FAM13C: variants seen among roughly 807,000 people sequenced by gnomAD.
FAM13C encodes the protein protein FAM13C.
A neutral mutation model predicts 73.2 loss-of-function variants in FAM13C; 37 were observed. The ratio of observed to expected loss-of-function variants is 0.51; its 90% CI spans 0.39 to 0.67. The LOEUF (loss-of-function observed/expected upper bound fraction) is 0.67. Among genes scored for constraint, FAM13C ranks in the 30% least tolerant of loss-of-function variants. The pLI is 0.00. For missense variants in FAM13C, 589 were observed against 715.6 expected (o/e 0.82, Z 2.02); for synonymous variants, 246 against 260.9 (o/e 0.94, Z 0.55).
intron 5 of FAM13C, among the ~76,000 whole-genome samples, chr10:59,289,414 G>A (rs1025724767): frequency 6.6e-6 from 1 of 152,158 alleles, no homozygotes; most frequent in African/African-American, 2.4e-5. Flanking sequence ...GTGCCCTGCA[G>A]AGCCACCCCA....
chr10:59,307,336 G>A (rs1363958638), intron 4 of FAM13C, among the ~76,000 whole-genome samples: 1 of 152,148 alleles, frequency 6.6e-6, no homozygotes, highest in Admixed American at 6.5e-5. Context: ...AACGTACCTA[G>A]AAGCTTCTCA....
chr10:59,270,538 G>A (rs573057560), intron 6 of FAM13C, among the ~76,000 whole-genome samples: 27 of 152,166 alleles, frequency 1.8e-4, no homozygotes, highest in African/African-American at 6.3e-4. Context: ...GAAGGGAGTA[G>A]GAGGAAAAGA....
At chr10:59,282,176 C>T (rs1366545599) in intron 6 of FAM13C, 2 of 152,170 alleles carry the variant, frequency 1.3e-5, no homozygotes, top group Non-Finnish European at 2.9e-5. Context: ...TACTAGGCTT[C>T]AGTGTCTTAT....
At chr10:59,360,712 T>G (rs1856284674) in intron 1 of FAM13C, among the ~76,000 whole-genome samples, 2 of 152,082 alleles carry the variant, frequency 1.3e-5, no homozygotes, top group African/African-American at 2.4e-5. Context: ...GCATACCAAT[T>G]ATCTCTCAGT....
intron 9 of FAM13C, 172 bp downstream of exon 9, chr10:59,263,913 C>G: frequency 1.6e-6 from 1 of 628,664 alleles, no homozygotes; most frequent in Non-Finnish European, 2.8e-6. Context: ...TACATGGGGC[C>G]AAACAATGAC....
At position 59,246,766 on chromosome 10, in the gene FAM13C, T is replaced by C. The variant is rs527760801; in HGVS notation, c.*848A>G. On this transcript the variant is annotated 3_prime_UTR_variant, in exon 14 of 14. Coordinates refer to ENST00000618804, the MANE Select transcript of FAM13C (RefSeq NM_198215.4). ...AGATGTTGGAACATTAAGAAAAATG[T>C]ATATTCCCAATGAAAAAATAGTTAT... 3.6e-4 allele frequency: 142 copies of C among 395,896 alleles called. No homozygotes were observed. Among genetic ancestry groups the C allele is most frequent in the African/African-American group, 2.6e-3 (127 of 48,688 alleles). The allele number at this position is 395,896 out of a possible 1,614,324, so 24.5% of individuals were successfully genotyped here. A position where few individuals can be genotyped will look rare whatever the true frequency, so the allele number is the denominator to read the frequency against.
At chr10:59,360,876 AAAAG>A in intron 1 of FAM13C, 4 of 384,986 alleles carry the variant, frequency 1.0e-5, no homozygotes, top group African/African-American at 6.5e-5. Context: ...AAAAAAAAAA[AAAAG>A]TCCACGTGAA....
chr10:59,316,382 T>G (rs1849531026), intron 4 of FAM13C, among the ~76,000 whole-genome samples: 1 of 152,228 alleles, frequency 6.6e-6, no homozygotes, highest in South Asian at 2.1e-4. Flanking sequence ...ACTACAGCAA[T>G]AAATACAAAT....
chr10:59,293,356 G>A lies in FAM13C; in HGVS notation c.507+9445C>T, dbSNP rs537629641. On this transcript the variant is annotated intron_variant, in intron 5 of 13. Coordinates refer to ENST00000618804, the MANE Select transcript of FAM13C (RefSeq NM_198215.4). ...CTCCCAAAGTGCTGGGATTACAGGC[G>A]TGAGCCACTGCGCCCGGCCAAGAAC... 1.1e-4 allele frequency among the ~76,000 whole-genome samples: 16 copies of A among 152,198 alleles called. No individual in the cohort carries two copies. The East Asian group carries it at 2.5e-3, about 24-fold the overall frequency.
At chr10:59,298,913 G>A (rs1045562159) in intron 5 of FAM13C, among the ~76,000 whole-genome samples, 1 of 152,144 alleles carries the variant, frequency 6.6e-6, no homozygotes, top group Non-Finnish European at 1.5e-5. Flanking sequence ...ATCTAAAAAA[G>A]CCAAACTTTT....
chr10:59,311,608 C>G (rs1848926652), intron 4 of FAM13C, among the ~76,000 whole-genome samples: 1 of 152,220 alleles, frequency 6.6e-6, no homozygotes. Flanking sequence ...CTGCCCACCT[C>G]AAGCCTCTGC....
At chr10:59,305,977 C>T (rs897922651) in intron 4 of FAM13C, among the ~76,000 whole-genome samples, 1 of 152,212 alleles carries the variant, frequency 6.6e-6, no homozygotes, top group Non-Finnish European at 1.5e-5. Flanking sequence ...GGTTAATCCA[C>T]CCTACTCAGT....
intron 5 of FAM13C, among the ~76,000 whole-genome samples, chr10:59,286,578 G>C (rs577287217): frequency 6.9e-6 from 1 of 144,828 alleles, no homozygotes; most frequent in South Asian, 2.3e-4. Flanking sequence ...GTTATCAAGA[G>C]CTGGTGCTGG....
At chr10:59,321,083 G>T (rs1850178671) in intron 4 of FAM13C, among the ~76,000 whole-genome samples, 1 of 152,114 alleles carries the variant, frequency 6.6e-6, no homozygotes, top group African/African-American at 2.4e-5. Flanking sequence ...CAGAATAATA[G>T]CTCCCCAAAG....
chr10:59,310,068 A>G (rs1848743138), intron 4 of FAM13C, among the ~76,000 whole-genome samples: 1 of 152,196 alleles, frequency 6.6e-6, no homozygotes. Flanking sequence ...ATGACCTAGA[A>G]AACCTGGGCA....
At chr10:59,269,220 G>C (rs1028947204) in intron 7 of FAM13C, among the ~76,000 whole-genome samples, 2 of 152,042 alleles carry the variant, frequency 1.3e-5, no homozygotes, top group Non-Finnish European at 2.9e-5. Flanking sequence ...ATGGACCCAG[G>C]GTTAGATATA....
intron 5 of FAM13C, among the ~76,000 whole-genome samples, chr10:59,288,156 T>C (rs1202858678): frequency 6.6e-6 from 1 of 152,154 alleles, no homozygotes; most frequent in Non-Finnish European, 1.5e-5. Context: ...TGGTCTCCCA[T>C]AGGAACAGAG....
At chr10:59,269,289 T>G (rs2133550216) in intron 7 of FAM13C, among the ~76,000 whole-genome samples, 1 of 152,238 alleles carries the variant, frequency 6.6e-6, no homozygotes, top group Middle Eastern at 3.4e-3. Flanking sequence ...GGGAATATTT[T>G]TAGCCAAGGG....
intron 6 of FAM13C, among the ~76,000 whole-genome samples, chr10:59,280,782 T>C (rs1844834783): frequency 6.6e-6 from 1 of 152,192 alleles, no homozygotes; most frequent in Non-Finnish European, 1.5e-5. Flanking sequence ...CAGGGGAGCA[T>C]GTCAAGTCTC....
Sources: gnomAD v4.1 joint callset for allele counts (sites outside exome capture counted in the v4.1 genomes callset) on GRCh38, gnomAD v4.1.1 for gene constraint, MANE v1.5 for transcripts, NCBI Gene and HGNC (gene_info 2026-07-23, HGNC 2026-07-21) for gene names.